The following ZNF331 variants were observed in gnomAD, a reference collection of about 807,000 sequenced individuals.
ZNF331 encodes the protein C2H2-like zinc finger protein rearranged in thyroid adenomas.
In ZNF331, 2 loss-of-function variants were observed where a neutral mutation model predicts 7.0. That is an observed-to-expected ratio of 0.29 (90% CI 0.12 to 0.90). ZNF331 has a LOEUF of 0.90. Among genes scored for constraint, ZNF331 ranks in the 40% least tolerant of loss-of-function variants. The pLI is 0.58. For missense variants in ZNF331, 432 were observed against 587.7 expected, an observed-to-expected ratio of 0.74 and a Z score of 2.74; for synonymous variants, 196 against 205.4, an observed-to-expected ratio of 0.95 and a Z score of 0.39.
intron 2 of ZNF331, among the ~76,000 whole-genome samples, chr19:53,527,741 A>G (rs182471617): frequency 6.6e-6 from 1 of 152,346 alleles, no homozygotes; most frequent in East Asian, 1.9e-4. Flanking sequence ...ATTTGTGTAC[A>G]TGTGGAGAAG....
chr19:53,559,349 C>T (rs2089668331), intron 3 of ZNF331, among the ~76,000 whole-genome samples: 1 of 150,888 alleles, frequency 6.6e-6, no homozygotes. Flanking sequence ...CACATATACA[C>T]ACCATACACA....
At chr19:53,575,499 C>CTTTTTTTTT (rs34296898) in intron 5 of ZNF331, among the ~76,000 whole-genome samples, 12 of 75,894 alleles carry the variant, frequency 1.6e-4, no homozygotes, top group East Asian at 4.0e-4. Flanking sequence ...TACCCAGTTG[C>CTTTTTTTTT]TTTTTTTTTT....
upstream of ZNF331, among the ~76,000 whole-genome samples, chr19:53,517,919 G>A (rs1460020069): frequency 6.6e-6 from 1 of 152,282 alleles, no homozygotes; most frequent in South Asian, 2.1e-4. Context: ...CAAAAGCCAT[G>A]AGCCGCCTGG....
intron 2 of ZNF331, among the ~76,000 whole-genome samples, chr19:53,550,724 A>T (rs2088942659): frequency 6.6e-6 from 1 of 150,636 alleles, no homozygotes; most frequent in Non-Finnish European, 1.5e-5. Flanking sequence ...TTTAGTAGAG[A>T]TGGGGTTTTG....
upstream of ZNF331, chr19:53,538,069 T>TGC (rs2087852969): frequency 1.3e-5 from 2 of 152,374 alleles, no homozygotes; most frequent in Non-Finnish European, 2.9e-5. Context: ...TCTGCTGCTG[T>TGC]CTGCGCGCTG....
rs757967369 is a variant in ZNF331 at position 53,577,862 on chromosome 19, T to C, written c.1302T>C (p.Ser434=). The change falls in exon 6 of 6, where the codon AGT becomes AGC. Residue 434 remains serine (S), a synonymous_variant. Coordinates refer to ENST00000449416, the MANE Select transcript of ZNF331 (RefSeq NM_001079906.2). The part of the protein sequence containing the change: ...HQLTQHQKTH[S]GAKSYECKEC... Reference sequence around the variant, plus strand: ...TTACACAACATCAGAAAACGCACAGTGGGGCGAAATCCTACGAATGTAAGG... The same window carrying C: ...TTACACAACATCAGAAAACGCACAGCGGGGCGAAATCCTACGAATGTAAGG... The C allele has an allele frequency of 1.2e-6, 2 of 1,613,006 alleles. No individual in the cohort carries two copies. The highest frequency in any genetic ancestry group is 1.7e-6 in the Non-Finnish European group (2 of 1,179,816).
the ZNF331 span, among the ~76,000 whole-genome samples, chr19:53,507,455 C>T: frequency 6.6e-6 from 1 of 152,206 alleles, no homozygotes; most frequent in African/African-American, 2.4e-5. Flanking sequence ...ATGGACCGGC[C>T]CAGCAACATC....
the ZNF331 span, among the ~76,000 whole-genome samples, chr19:53,513,520 C>T: frequency 2.6e-5 from 4 of 152,022 alleles, no homozygotes; most frequent in Non-Finnish European, 4.4e-5. Flanking sequence ...TTTTTTCCTC[C>T]GCATCCTCAC....
Position 53,539,131 on chromosome 19 carries a change from C to G in ZNF331, c.-204-85C>G, listed in dbSNP as rs1429129522. ...CACAGCGTGCTCTTCAGGAATCTCC[C>G]AGAAACTCCATCTCGGGGCCTCGTA... On this transcript the variant is annotated intron_variant, in intron 1 of 5. Transcript: ENST00000449416. The surrounding 1 kb of genome is among the most constrained non-coding windows in gnomAD (Gnocchi z 6.1). 6.6e-6 allele frequency: 1 copy of G among 152,182 alleles called. No homozygotes were observed. Among genetic ancestry groups the G allele is most frequent in the Admixed American group, 6.5e-5 (1 of 15,268 alleles). 9.4% of individuals were successfully genotyped at this position (152,182 alleles called of 1,614,324 possible).
upstream of ZNF331, among the ~76,000 whole-genome samples, chr19:53,516,702 A>T (rs2086912658): frequency 6.6e-6 from 1 of 152,216 alleles, no homozygotes; most frequent in Non-Finnish European, 1.5e-5. Flanking sequence ...ATAGTTATCC[A>T]GGCCCCTAAA....
At chr19:53,520,982 C>G (rs1029270043), upstream of ZNF331, 1 of 152,258 alleles carries the variant, frequency 6.6e-6, no homozygotes, top group African/African-American at 2.4e-5. Flanking sequence ...CCAGCTGCGT[C>G]GAAGCTTCTC....
chr19:53,529,279 A>G (rs1014119409), intron 2 of ZNF331, among the ~76,000 whole-genome samples: 69 of 152,100 alleles, frequency 4.5e-4, no homozygotes, highest in Middle Eastern at 3.4e-3. Flanking sequence ...AGGCGCATGT[A>G]GTCGCAGCTA....
intron 2 of ZNF331, among the ~76,000 whole-genome samples, chr19:53,525,840 G>C (rs1019824854): frequency 6.6e-6 from 1 of 152,174 alleles, no homozygotes; most frequent in Non-Finnish European, 1.5e-5. Context: ...ATTAGAAGTG[G>C]TAAGAGTGGG....
chr19:53,517,630 G>C (rs142087395), upstream of ZNF331, among the ~76,000 whole-genome samples: 75 of 152,190 alleles, frequency 4.9e-4, no homozygotes, highest in East Asian at 1.9e-3. Flanking sequence ...AGTCTGCTGA[G>C]ATTTGGTTTA....
At chr19:53,534,620 C>T (rs534474281), upstream of ZNF331, among the ~76,000 whole-genome samples, 5 of 152,242 alleles carry the variant, frequency 3.3e-5, no homozygotes, top group South Asian at 1.0e-3. Context: ...AAAGACAAGT[C>T]AAGTTCTTCT....
rs1004137612 is a variant in ZNF331 at position 53,573,665 on chromosome 19, C to T, written c.136+1935C>T. On this transcript the variant is annotated intron_variant, in intron 5 of 5. Coordinates refer to ENST00000449416, the MANE Select transcript of ZNF331 (RefSeq NM_001079906.2). The surrounding 1 kb of genome is among the most constrained non-coding windows in gnomAD (Gnocchi z 4.2). The stretch of plus-strand genomic sequence containing the variant: ...GTGTTTTTTCTTAGAGATGGGATTT[C>T]GCCATGTTGTCCAAGCTGATCTTGA... Among the ~76,000 whole-genome samples the T allele has an allele frequency of 3.3e-5, 5 of 151,908 alleles. No individual in the cohort carries two copies. Among genetic ancestry groups the T allele is most frequent in the Non-Finnish European group, 5.9e-5 (4 of 68,006 alleles).
chr19:53,578,712 G>A lies in ZNF331; in HGVS notation c.*760G>A. On this transcript the variant is annotated 3_prime_UTR_variant, in exon 6 of 6. Coordinates refer to ENST00000449416, the MANE Select transcript of ZNF331 (RefSeq NM_001079906.2). ...GACTGCTGTACAAAGAATATAGGAA[G>A]GCCTCTAGACTACATCCATTCCTTC... 4.8e-6 allele frequency: 1 copy of A among 210,124 alleles called. No homozygotes were observed. The highest frequency in any genetic ancestry group is 9.7e-6 in the Non-Finnish European group (1 of 103,484). The allele number at this position is 210,124 out of a possible 1,614,324, so 13.0% of individuals were successfully genotyped here.
intron 3 of ZNF331, among the ~76,000 whole-genome samples, chr19:53,561,961 A>G (rs913699008): frequency 6.6e-6 from 1 of 152,066 alleles, no homozygotes; most frequent in Admixed American, 6.5e-5. Flanking sequence ...CAGCCTGGCC[A>G]ACATGGTGAA....
intron 2 of ZNF331, among the ~76,000 whole-genome samples, chr19:53,546,598 A>AGT (rs1287234890): frequency 6.6e-6 from 1 of 151,708 alleles, no homozygotes; most frequent in Non-Finnish European, 1.5e-5. Flanking sequence ...TTTATTTTAC[A>AGT]GTGTGCTTGG....
Sources: allele counts gnomAD v4.1 joint callset (sites outside exome capture counted in the v4.1 genomes callset), GRCh38; gene constraint gnomAD v4.1.1; non-coding constraint Gnocchi (gnomAD v3.1); transcripts MANE v1.5; gene names NCBI Gene and HGNC (gene_info 2026-07-23, HGNC 2026-07-21).